Variants in BICD1 observed in about 807,000 individuals in gnomAD.
BICD1 encodes BICD cargo adaptor 1.
In BICD1, 35 loss-of-function variants were observed where a neutral mutation model predicts 92.5. The observed-to-expected ratio is 0.38, with a 90% CI of 0.29 to 0.50. The LOEUF (loss-of-function observed/expected upper bound fraction) is 0.50. Among genes scored for constraint, BICD1 ranks in the 20% least tolerant of loss-of-function variants. The probability of loss-of-function intolerance (pLI) is 0.93; values close to 1 mark genes in which losing one functional copy is unlikely to be tolerated. For missense variants in BICD1, 950 were observed against 1,189.8 expected, an observed-to-expected ratio of 0.80 and a Z score of 2.97; for synonymous variants, 429 against 465.1, an observed-to-expected ratio of 0.92 and a Z score of 1.00.
intron 1 of BICD1, among the ~76,000 whole-genome samples, chr12:32,170,873 G>A (rs1296935309): frequency 6.6e-6 from 1 of 152,154 alleles, no homozygotes. Context: ...GTACAGGACA[G>A]CCCCCACACC....
chr12:32,207,926 C>A (rs1179048554), intron 1 of BICD1, among the ~76,000 whole-genome samples: 1 of 152,158 alleles, frequency 6.6e-6, no homozygotes, highest in Non-Finnish European at 1.5e-5. Context: ...CCACCTGATT[C>A]TTGGATAAGT....
intron 1 of BICD1, among the ~76,000 whole-genome samples, chr12:32,189,021 A>C (rs566365493): frequency 6.4e-4 from 97 of 152,316 alleles, no homozygotes; most frequent in African/African-American, 2.1e-3. Flanking sequence ...TTTATCGCAC[A>C]TGAGTTCTCT....
At chr12:32,154,666 C>G (rs946244200) in intron 1 of BICD1, among the ~76,000 whole-genome samples, 1 of 152,218 alleles carries the variant, frequency 6.6e-6, no homozygotes, top group African/African-American at 2.4e-5. Flanking sequence ...GGTGTTCTTT[C>G]CTTCCAAATT....
chr12:32,144,620 T>C (rs755320711), intron 1 of BICD1, among the ~76,000 whole-genome samples: 11 of 152,238 alleles, frequency 7.2e-5, no homozygotes, highest in Non-Finnish European at 1.6e-4. Context: ...ATTCCACTTA[T>C]AGTAACAGCA....
rs1381766309 is a variant in BICD1, at chr12:32,377,815, T to C, written c.*188T>C. On this transcript the variant is annotated 3_prime_UTR_variant, in exon 10 of 10. Transcript: ENST00000652176. ...ACAGACCCTGATGTGATAAAACATT[T>C]TGTGGTTTCTCTGAGTCACAGATAA... 5 of 492,386 alleles carry C rather than the reference T, an allele frequency of 1.0e-5. No individual in the cohort carries two copies. Among genetic ancestry groups the C allele is most frequent in the African/African-American group, 1.9e-5 (1 of 51,786 alleles). The allele number at this position is 492,386 out of a possible 1,614,324, so 30.5% of individuals were successfully genotyped here.
chr12:32,260,198 T>C (rs1054300149), intron 2 of BICD1, among the ~76,000 whole-genome samples: 2 of 152,248 alleles, frequency 1.3e-5, no homozygotes, highest in Admixed American at 1.3e-4. Flanking sequence ...GTGTTGGGAT[T>C]GCAGGCATGA....
chr12:32,225,621 GTTTTT>G (rs58895470), intron 2 of BICD1, among the ~76,000 whole-genome samples: 6,963 of 92,820 alleles, frequency 0.075, 708 homozygotes, highest in African/African-American at 0.24. Context: ...CTTTTTTTCT[GTTTTT>G]TTTTTTTTTT....
chr12:32,283,439 G>C (rs750083911), intron 2 of BICD1, among the ~76,000 whole-genome samples: 3 of 150,284 alleles, frequency 2.0e-5, no homozygotes, highest in Non-Finnish European at 4.5e-5. Flanking sequence ...AGTCAGCACA[G>C]ATCTGTCATT....
intron 2 of BICD1, among the ~76,000 whole-genome samples, chr12:32,241,655 A>C (rs1326161582): frequency 6.6e-6 from 1 of 152,170 alleles, no homozygotes; most frequent in East Asian, 1.9e-4. Context: ...AATTGAGTAG[A>C]GGTCAGAGCT....
rs571670106 is a variant in BICD1, at chr12:32,326,399, C to A, written c.1006-1062C>A. Among the ~76,000 whole-genome samples the A allele has an allele frequency of 1.9e-4, 29 of 152,206 alleles. No individual in the cohort carries two copies. In the South Asian group the frequency reaches 3.5e-3, roughly 19 times the overall value. On this transcript the variant is annotated intron_variant, in intron 4 of 9. Coordinates refer to ENST00000652176, the MANE Select transcript of BICD1 (RefSeq NM_001714.4). Reference sequence around the variant, plus strand: ...TTTCCACATTGCAATTTCTTATATACCTATGTTTAATGAGACAGTATTTTA... The same window carrying A: ...TTTCCACATTGCAATTTCTTATATAACTATGTTTAATGAGACAGTATTTTA...
intron 9 of BICD1, among the ~76,000 whole-genome samples, chr12:32,369,574 G>C (rs1939653524): frequency 6.6e-6 from 1 of 152,260 alleles, no homozygotes; most frequent in Admixed American, 6.5e-5. Flanking sequence ...AGCTGTATCA[G>C]TGGAACATTG....
chr12:32,244,448 G>A (rs1946318280), intron 2 of BICD1, among the ~76,000 whole-genome samples: 1 of 151,968 alleles, frequency 6.6e-6, no homozygotes, highest in Non-Finnish European at 1.5e-5. Context: ...CTCTCTTCAG[G>A]CTGCAACACA....
At chr12:32,140,042 C>G (rs1486637795) in intron 1 of BICD1, among the ~76,000 whole-genome samples, 2 of 152,180 alleles carry the variant, frequency 1.3e-5, no homozygotes, top group African/African-American at 2.4e-5. Context: ...GATTCCCTTG[C>G]TGTGCTGTAA....
At chr12:32,238,190 T>G (rs1226183291) in intron 2 of BICD1, among the ~76,000 whole-genome samples, 2 of 152,114 alleles carry the variant, frequency 1.3e-5, no homozygotes, top group African/African-American at 4.8e-5. Context: ...ATCACAAGCA[T>G]AGAGTTCAAG....
intron 1 of BICD1, among the ~76,000 whole-genome samples, chr12:32,144,677 C>T (rs1943050506): frequency 6.6e-6 from 1 of 152,204 alleles, no homozygotes; most frequent in Non-Finnish European, 1.5e-5. Flanking sequence ...ATTCTATCTA[C>T]TTGCATAACA....
chr12:32,172,597 C>T (rs181013803), intron 1 of BICD1, among the ~76,000 whole-genome samples: 262 of 152,250 alleles, frequency 1.7e-3, no homozygotes, highest in African/African-American at 6.0e-3. Flanking sequence ...GGAAAGCTCC[C>T]AAGACTCAGG....
Position 32,216,423 on chromosome 12 carries a change from C to T in BICD1, c.390C>T (p.Asn130=), listed in dbSNP as rs2121554814. Residue 130 remains asparagine, a synonymous_variant, in exon 2 of 10, where the codon AAC becomes AAT. Transcript: ENST00000652176. ...RAVVTNVQAE[N]ERLTAVVQDL... is the part of the protein sequence containing the mutation. ...TGGTCACTAATGTACAGGCAGAAAA[C>T]GAGAGGCTCACCGCAGTCGTGCAGG... The T allele has an allele frequency of 6.2e-7, 1 of 1,614,050 alleles. No individual in the cohort carries two copies. The highest frequency in any genetic ancestry group is 8.5e-7 in the Non-Finnish European group (1 of 1,180,008).
intron 1 of BICD1, among the ~76,000 whole-genome samples, chr12:32,167,411 T>C (rs1259766690): frequency 6.6e-6 from 1 of 152,246 alleles, no homozygotes; most frequent in Non-Finnish European, 1.5e-5. Flanking sequence ...TTGTTTCTTT[T>C]TCTATGAGCA....
At chr12:32,206,001 T>C (rs539425894) in intron 1 of BICD1, among the ~76,000 whole-genome samples, 2 of 152,322 alleles carry the variant, frequency 1.3e-5, no homozygotes, top group Admixed American at 1.3e-4. Flanking sequence ...AGCATAATGT[T>C]TTGCAATTCA....
Sources: gnomAD v4.1 joint callset for allele counts (sites outside exome capture counted in the v4.1 genomes callset) on GRCh38, gnomAD v4.1.1 for gene constraint, MANE v1.5 for transcripts, NCBI Gene and HGNC (gene_info 2026-07-23, HGNC 2026-07-21) for gene names.